Variants in N4BP2 observed in about 807,000 individuals in gnomAD.
The protein encoded by N4BP2 is NEDD4 binding protein 2.
In N4BP2, 91 loss-of-function variants were observed where a neutral mutation model predicts 152.8. That is an observed-to-expected ratio of 0.60 (90% CI 0.50 to 0.71). The LOEUF (loss-of-function observed/expected upper bound fraction) is 0.71, where lower values mean the gene tolerates loss of function less well. Among genes scored for constraint, N4BP2 ranks in the 30% least tolerant of loss-of-function variants. The pLI is 0.00. For missense variants in N4BP2, 1,923 were observed against 2,059.1 expected, an observed-to-expected ratio of 0.93 and a Z score of 1.28; for synonymous variants, 646 against 705.3, an observed-to-expected ratio of 0.92 and a Z score of 1.33.
At chr4:40,103,743 A>G (rs1439928189) in intron 4 of N4BP2, among the ~76,000 whole-genome samples, 1 of 152,146 alleles carries the variant, frequency 6.6e-6, no homozygotes, top group Non-Finnish European at 1.5e-5. Context: ...AAAATAGAGT[A>G]CCATCAGTTA....
At position 40,120,035 on chromosome 4, in the gene N4BP2, A is replaced by C. The variant is rs1717714288; in HGVS notation, c.1924A>C (p.Lys642Gln). ...FTEEKNLDVT[K>Q]ETMLPENVAY... Reference sequence around the variant, plus strand: ...TGAAGAGAAGAATCTTGATGTAACCAAAGAAACAATGTTACCTGAGAATGT... The same window carrying C: ...TGAAGAGAAGAATCTTGATGTAACCCAAGAAACAATGTTACCTGAGAATGT... The change falls in exon 9 of 18, where the codon AAA (lysine) becomes CAA (glutamine). Residue 642 changes from lysine to glutamine, a missense_variant. By Grantham distance (53) the Lys-to-Gln change is moderately conservative. Transcript: ENST00000261435. The C allele has an allele frequency of 6.2e-7, 1 of 1,604,622 alleles. No individual in the cohort carries two copies.
chr4:40,059,505 A>G (rs1392234623), intron 1 of N4BP2, among the ~76,000 whole-genome samples: 3 of 151,938 alleles, frequency 2.0e-5, no homozygotes, highest in Admixed American at 2.0e-4. Context: ...GCTCAACACC[A>G]CACCTGGCTA....
intron 1 of N4BP2, among the ~76,000 whole-genome samples, chr4:40,063,612 TATTG>T (rs1358794956): frequency 2.6e-5 from 4 of 152,072 alleles, no homozygotes; most frequent in Non-Finnish European, 2.9e-5. Flanking sequence ...TTTATCGTTT[TATTG>T]ATTTATTTAT....
intron 2 of N4BP2, among the ~76,000 whole-genome samples, chr4:40,093,565 C>G (rs371844703): frequency 1.3e-5 from 2 of 151,386 alleles, no homozygotes; most frequent in East Asian, 3.9e-4. Context: ...TGCCACCTTG[C>G]GTGGCTAATT....
chr4:40,130,071 G>T (rs1718781756), intron 12 of N4BP2, among the ~76,000 whole-genome samples: 1 of 151,726 alleles, frequency 6.6e-6, no homozygotes, highest in South Asian at 2.1e-4. Flanking sequence ...TTTGAGGCTG[G>T]GTTTCACTGT....
At chr4:40,161,904 C>T (rs1177062459), downstream of N4BP2, among the ~76,000 whole-genome samples, 1 of 152,148 alleles carries the variant, frequency 6.6e-6, no homozygotes, top group East Asian at 1.9e-4. Context: ...GCTACGTCTG[C>T]CGTAATTTAA....
At chr4:40,174,908 AAG>A in the N4BP2 span, among the ~76,000 whole-genome samples, 5 of 152,110 alleles carry the variant, frequency 3.3e-5, no homozygotes, top group Admixed American at 2.0e-4. Context: ...AAAAAAAAAA[AAG>A]GAGATCCTGC....
chr4:40,139,852 TCTCA>T (rs1719753386), intron 14 of N4BP2, among the ~76,000 whole-genome samples: 1 of 132,634 alleles, frequency 7.5e-6, no homozygotes, highest in African/African-American at 2.9e-5. Context: ...TGAGACAGGG[TCTCA>T]CTGTGTTGCT....
intron 7 of N4BP2, among the ~76,000 whole-genome samples, chr4:40,114,941 G>T (rs950335926): frequency 2.6e-5 from 4 of 152,046 alleles, no homozygotes; most frequent in Non-Finnish European, 4.4e-5. Flanking sequence ...GTTCCCTCCT[G>T]CAATCTTAGT....
In N4BP2 at chr4:40,097,249, C is replaced by A; in HGVS notation, c.-92C>A. 9.9e-7 allele frequency: 1 copy of A among 1,005,088 alleles called. No individual in the cohort carries two copies. The highest frequency in any genetic ancestry group is 1.5e-6 in the Non-Finnish European group (1 of 655,880). 62.3% of individuals were successfully genotyped at this position (1,005,088 alleles called of 1,614,324 possible). On this transcript the variant is annotated 5_prime_UTR_variant, in exon 3 of 18. Coordinates refer to ENST00000261435, the MANE Select transcript of N4BP2 (RefSeq NM_018177.6). ...TAGGTCTTTTTACTGCTGGATTGTG[C>A]AAGATATTTAACCCTATTTTGTTTG...
At chr4:40,180,620 C>A in the N4BP2 span, among the ~76,000 whole-genome samples, 1 of 152,156 alleles carries the variant, frequency 6.6e-6, no homozygotes, top group East Asian at 1.9e-4. Context: ...AATTACAAAA[C>A]GTGTTACATC....
rs1721593673 is a variant in N4BP2, at chr4:40,156,332, G to A, written c.*2095G>A. 6.6e-6 allele frequency: 1 copy of A among 152,000 alleles called. No individual in the cohort carries two copies. The highest frequency in any genetic ancestry group is 1.9e-4 in the East Asian group (1 of 5,198). The allele number at this position is 152,000 out of a possible 1,614,324, so 9.4% of individuals were successfully genotyped here. ...GAAGTAGAGGTGTGGTATTCCGTGG[G>A]CAGAAGTCAAATGAAAAAAGCTATA... is the stretch of plus-strand genomic sequence containing the variant. On this transcript the variant is annotated 3_prime_UTR_variant, in exon 18 of 18. Coordinates refer to ENST00000261435, the MANE Select transcript of N4BP2 (RefSeq NM_018177.6).
At chr4:40,103,366 T>A in intron 4 of N4BP2, 148 bp downstream of exon 4, 1 of 636,178 alleles carries the variant, frequency 1.6e-6, no homozygotes, top group Non-Finnish European at 2.6e-6. Flanking sequence ...TAACTTTGTG[T>A]AGCTAATAAC....
At chr4:40,124,229 A>C in intron 11 of N4BP2, 24 bp downstream of exon 11, 1 of 1,564,798 alleles carries the variant, frequency 6.4e-7, no homozygotes, top group Non-Finnish European at 8.8e-7. Flanking sequence ...TTTTATTTCT[A>C]ATGTCTTAAT....
chr4:40,141,229 C>A (rs902581376), intron 14 of N4BP2, among the ~76,000 whole-genome samples: 2 of 148,892 alleles, frequency 1.3e-5, no homozygotes, highest in Admixed American at 6.7e-5. Flanking sequence ...CTGACCCCCC[C>A]ACCTCCCTCC....
At chr4:40,186,675 T>C in the N4BP2 span, among the ~76,000 whole-genome samples, 2 of 152,344 alleles carry the variant, frequency 1.3e-5, no homozygotes, top group East Asian at 3.9e-4. Context: ...CTTAACAGTA[T>C]ATTGTGAGCA....
the N4BP2 span, among the ~76,000 whole-genome samples, chr4:40,177,961 G>T: frequency 6.6e-6 from 1 of 152,108 alleles, no homozygotes; most frequent in Non-Finnish European, 1.5e-5. Context: ...ACAGAAAACA[G>T]AAAGATGAGG....
At chr4:40,107,097 G>A (rs1001779602) in intron 5 of N4BP2, 73 bp downstream of exon 5, 5 of 1,527,002 alleles carry the variant, frequency 3.3e-6, no homozygotes, top group Non-Finnish European at 4.5e-6. Flanking sequence ...GTATTTGTTT[G>A]TGTGTTTGTT....
intron 16 of N4BP2, among the ~76,000 whole-genome samples, chr4:40,145,425 T>C (rs1164960788): frequency 6.6e-6 from 1 of 152,194 alleles, no homozygotes; most frequent in Non-Finnish European, 1.5e-5. Flanking sequence ...GGTTTTACCA[T>C]GTTGGCCAGG....
Sources: gnomAD v4.1 joint callset for allele counts (sites outside exome capture counted in the v4.1 genomes callset) on GRCh38, gnomAD v4.1.1 for gene constraint, MANE v1.5 for transcripts, NCBI Gene and HGNC (gene_info 2026-07-23, HGNC 2026-07-21) for gene names.